RGSL1: variants seen among roughly 807,000 people sequenced by gnomAD.
RGSL1 encodes regulator of G protein signaling like 1, also known as regulator of G protein signaling protein-like.
A neutral mutation model predicts 124.7 loss-of-function variants in RGSL1; 97 were observed. That is an observed-to-expected ratio of 0.78 (90% CI 0.66 to 0.92). The LOEUF (loss-of-function observed/expected upper bound fraction) is 0.92. Ranked by LOEUF, RGSL1 falls within the 40% of genes least tolerant of loss-of-function variation. The pLI is 0.00. For synonymous variants in RGSL1, 424 were observed against 438.1 expected, an observed-to-expected ratio of 0.97 and a Z score of 0.40; for missense variants, 1,233 against 1,288.4, an observed-to-expected ratio of 0.96 and a Z score of 0.66.
At position 182,473,850 on chromosome 1, in the gene RGSL1, T is replaced by G. The variant is rs1164958677; in HGVS notation, c.739T>G (p.Ser247Ala). 2 of 1,551,630 alleles carry G rather than the reference T, an allele frequency of 1.3e-6. No homozygotes were observed. The highest frequency in any genetic ancestry group is 2.7e-5 in the African/African-American group (2 of 73,038). The stretch of plus-strand genomic sequence containing the variant: ...GTGCCACCACTTTCAGAAACGGTAC[T>G]CAAGCAGGAAAGCCAAGAGGAAGAT... ...KKCHHFQKRY[S>A]SRKAKRKMWQ... Residue 247 changes from serine (S) to alanine (A), a missense_variant, in exon 6 of 22, where the codon TCA becomes GCA. By Grantham distance (99) the Ser-to-Ala change is moderately conservative. Coordinates refer to ENST00000294854, the MANE Select transcript of RGSL1 (RefSeq NM_001137669.2).
intron 8 of RGSL1, among the ~76,000 whole-genome samples, chr1:182,491,247 G>A (rs1282626209): frequency 2.0e-5 from 3 of 151,844 alleles, no homozygotes; most frequent in Non-Finnish European, 2.9e-5. Flanking sequence ...ATGGAGTCTC[G>A]CTTTGTCTCC....
chr1:182,487,067 T>C (rs1007952370), intron 6 of RGSL1, among the ~76,000 whole-genome samples: 6 of 152,156 alleles, frequency 3.9e-5, no homozygotes, highest in African/African-American at 1.2e-4. Context: ...ATATTTACAG[T>C]TTATTTATTA....
rs1660761270 is a variant in RGSL1 at position 182,554,687 on chromosome 1, T to C, written c.3191T>C (p.Val1064Ala). 3.2e-6 allele frequency: 5 copies of C among 1,551,652 alleles called. No individual in the cohort carries two copies. Among genetic ancestry groups the C allele is most frequent in the Non-Finnish European group, 4.4e-6 (5 of 1,146,962 alleles). The change falls in exon 20 of 22, where the codon GTC becomes GCC. Residue 1064 changes from valine to alanine, a missense_variant. Physicochemically the swap from Val to Ala is moderately conservative, Grantham distance 64. Transcript: ENST00000294854. ...LVVSAMQLHP[V>A]QGQKLSYIKK... Reference sequence around the variant, plus strand: ...GTATCTGCCATGCAGCTGCATCCCGTCCAGGGGTAGGCATGAGCTGGAAAT... The same window carrying C: ...GTATCTGCCATGCAGCTGCATCCCGCCCAGGGGTAGGCATGAGCTGGAAAT...
In RGSL1 at chr1:182,540,269, A is replaced by C. The variant is rs1052626603; in HGVS notation, c.2517A>C (p.Thr839=). 7 of 1,550,828 alleles carry C rather than the reference A, an allele frequency of 4.5e-6. No homozygotes were observed. In the African/African-American group the frequency reaches 9.6e-5, roughly 21 times the overall value. ...SKENFTTAHN[T]SGRSAPPSTN... ...CAGATTTCACCACAGCACACAACAC[A>C]TCGGGACGTTCAGCTCCACCCTCCA... Residue 839 remains threonine (T), a synonymous_variant, in exon 15 of 22, where the codon ACA becomes ACC. Transcript: ENST00000294854.
At chr1:182,466,978 A>C (rs992483976) in intron 4 of RGSL1, among the ~76,000 whole-genome samples, 1 of 152,202 alleles carries the variant, frequency 6.6e-6, no homozygotes, top group South Asian at 2.1e-4. Flanking sequence ...AATAACAGAC[A>C]AACAGAGAGC....
At chr1:182,548,902 T>A (rs1660393445) in intron 17 of RGSL1, 78 bp downstream of exon 17, 1 of 1,500,266 alleles carries the variant, frequency 6.7e-7, no homozygotes, top group East Asian at 2.5e-5. Context: ...TGCCTTCCTC[T>A]AGCACTCTGT....
intron 9 of RGSL1, among the ~76,000 whole-genome samples, chr1:182,495,838 T>G (rs1316864109): frequency 6.6e-6 from 1 of 152,234 alleles, no homozygotes; most frequent in Non-Finnish European, 1.5e-5. Context: ...CTGGGTCACC[T>G]GCTTAGGTAG....
At position 182,514,813 on chromosome 1, in the gene RGSL1, C is replaced by G. The variant is rs75017195; in HGVS notation, c.1826-7191C>G. ...TGAATGGTTCCTTCCTGAGGCCAAG[C>G]CAATCCTTCATAATTTGGTGAAACC... On this transcript the variant is annotated intron_variant, in intron 9 of 21. Coordinates refer to ENST00000294854, the MANE Select transcript of RGSL1 (RefSeq NM_001137669.2). Among the ~76,000 whole-genome samples the G allele has an allele frequency of 4.1e-3, 627 of 152,278 alleles. 4 individuals are homozygous for G. The highest frequency in any genetic ancestry group is 0.014 in the African/African-American group (581 of 41,540).
intron 7 of RGSL1, chr1:182,488,617 T>G (rs1037521342): frequency 2.5e-6 from 1 of 395,940 alleles, no homozygotes; most frequent in South Asian, 2.6e-5. Flanking sequence ...TCCCAGCTAC[T>G]TGGGAGGCTG....
At chr1:182,554,141 A>C (rs1005661910) in intron 19 of RGSL1, among the ~76,000 whole-genome samples, 3 of 151,966 alleles carry the variant, frequency 2.0e-5, no homozygotes, top group Non-Finnish European at 4.4e-5. Flanking sequence ...TTCCCTTTCT[A>C]TCCCAACTGC....
At chr1:182,511,911 C>T (rs1657491848) in intron 9 of RGSL1, among the ~76,000 whole-genome samples, 1 of 151,958 alleles carries the variant, frequency 6.6e-6, no homozygotes, top group South Asian at 2.1e-4. Context: ...TTTTTTGTTT[C>T]TTTCATCAGC....
At position 182,510,546 on chromosome 1, in the gene RGSL1, C is replaced by T. The variant is rs1331210768; in HGVS notation, c.1826-11458C>T. 3.4e-5 allele frequency among the ~76,000 whole-genome samples: 2 copies of T among 59,342 alleles called. 1 individual carries two copies. The highest frequency in any genetic ancestry group is 1.5e-4 in the African/African-American group (2 of 13,552). 38.9% of individuals were successfully genotyped at this position (59,342 alleles called of 152,430 possible). ...AGTCAGGCGTGGCGGCACGTGCCTGCAATCGCAGGCACTCGGCAGGCTGAG... is the reference window on the plus strand; with the variant it reads ...AGTCAGGCGTGGCGGCACGTGCCTGTAATCGCAGGCACTCGGCAGGCTGAG... On this transcript the variant is annotated intron_variant, in intron 9 of 21. Transcript: ENST00000294854.
At chr1:182,477,861 G>A (rs779600818) in intron 6 of RGSL1, among the ~76,000 whole-genome samples, 4 of 152,148 alleles carry the variant, frequency 2.6e-5, no homozygotes, top group Non-Finnish European at 5.9e-5. Context: ...GTGAAGACCA[G>A]AAGAGGTGAC....
intron 2 of RGSL1, among the ~76,000 whole-genome samples, chr1:182,456,899 C>A (rs1652378111): frequency 6.6e-6 from 1 of 152,148 alleles, no homozygotes; most frequent in Non-Finnish European, 1.5e-5. Context: ...GTAATCCCAG[C>A]ACTTTGGGAG....
At position 182,548,781 on chromosome 1, in the gene RGSL1, G is replaced by T; in HGVS notation, c.2890G>T (p.Ala964Ser). 2.6e-6 allele frequency: 4 copies of T among 1,551,658 alleles called. No individual in the cohort carries two copies. The highest frequency in any genetic ancestry group is 3.5e-6 in the Non-Finnish European group (4 of 1,147,000). Reference sequence around the variant, plus strand: ...CCTAGATCGGAGCGTCTTCCATGGGGCTATCATGTCTGTCTTCCCCGTTGT... The same window carrying T: ...CCTAGATCGGAGCGTCTTCCATGGGTCTATCATGTCTGTCTTCCCCGTTGT... Reference protein sequence around the residue: ...GYLDRSVFHGAIMSVFPVVMY... With the variant: ...GYLDRSVFHGSIMSVFPVVMY... The change falls in exon 17 of 22, where the codon GCT (alanine) becomes TCT (serine). Residue 964 changes from alanine to serine, a missense_variant. Ala to Ser is a moderately conservative substitution (Grantham distance 99). Coordinates refer to ENST00000294854, the MANE Select transcript of RGSL1 (RefSeq NM_001137669.2).
chr1:182,556,064 G>A lies in RGSL1; in HGVS notation c.*7G>A, dbSNP rs537476882. On this transcript the variant is annotated 3_prime_UTR_variant, in exon 21 of 22. Transcript: ENST00000294854. ...CATCAAAAAAGAGAAGTAATCAAGC[G>A]AGACCCCCAGCAGAGATAAATCATC... is the stretch of plus-strand genomic sequence containing the variant. 8.2e-5 allele frequency: 127 copies of A among 1,551,208 alleles called. No homozygotes were observed. The highest frequency in any genetic ancestry group is 5.2e-4 in the South Asian group (44 of 84,036).
intron 1 of RGSL1, among the ~76,000 whole-genome samples, chr1:182,451,571 C>G (rs1651833863): frequency 7.2e-6 from 1 of 137,988 alleles, no homozygotes. Flanking sequence ...CAGGAAACAG[C>G]AATGCCTTGG....
intron 19 of RGSL1, 89 bp from the exon 20 acceptor site, chr1:182,554,538 C>G (rs916559595): frequency 7.7e-6 from 9 of 1,165,298 alleles, no homozygotes; most frequent in African/African-American, 1.5e-5. Context: ...TGGAAGCCCA[C>G]CCAGCATGGT....
At chr1:182,512,768 T>C in intron 9 of RGSL1, among the ~76,000 whole-genome samples, 1 of 152,170 alleles carries the variant, frequency 6.6e-6, no homozygotes, top group Admixed American at 6.5e-5. Flanking sequence ...TGGAGGTGGC[T>C]CTCAGCAGAA....
Sources: allele counts gnomAD v4.1 joint callset (sites outside exome capture counted in the v4.1 genomes callset), GRCh38; gene constraint gnomAD v4.1.1; transcripts MANE v1.5; gene names NCBI Gene and HGNC (gene_info 2026-07-23, HGNC 2026-07-21).